FABP6: variants seen among roughly 807,000 people sequenced by gnomAD.
FABP6 encodes the protein fatty acid binding protein 6.
A neutral mutation model predicts 14.9 loss-of-function variants in FABP6; 13 were observed. The observed-to-expected ratio is 0.87, with a 90% CI of 0.57 to 1.39. FABP6 has a LOEUF of 1.39. Ranked by LOEUF, FABP6 falls within the 40% of genes most tolerant of loss-of-function variation. The pLI is 0.00. For missense variants in FABP6, 161 were observed against 167.2 expected, an observed-to-expected ratio of 0.96 and a Z score of 0.20; for synonymous variants, 75 against 63.6, an observed-to-expected ratio of 1.18 and a Z score of -0.85.
chr5:160,193,241 T>C (rs115482670), intron 1 of FABP6, among the ~76,000 whole-genome samples: 1 of 151,920 alleles, frequency 6.6e-6, no homozygotes, highest in Non-Finnish European at 1.5e-5. Context: ...ACTTTCGCGG[T>C]GAGTGTTGCG....
At chr5:160,228,283 C>G, upstream of FABP6, among the ~76,000 whole-genome samples, 1 of 151,916 alleles carries the variant, frequency 6.6e-6, no homozygotes, top group East Asian at 1.9e-4. Context: ...CCCAGCTACT[C>G]TGGAGGCTGA....
chr5:160,191,292 C>A (rs938361153), intron 1 of FABP6, among the ~76,000 whole-genome samples: 3 of 151,870 alleles, frequency 2.0e-5, no homozygotes, highest in African/African-American at 4.8e-5. Flanking sequence ...ATGGTGACAC[C>A]CCGTCTTTAC....
At chr5:160,220,486 G>A (rs2113119893) in intron 3 of FABP6, among the ~76,000 whole-genome samples, 1 of 152,150 alleles carries the variant, frequency 6.6e-6, no homozygotes, top group South Asian at 2.1e-4. Flanking sequence ...GAGCATGCCT[G>A]AGGTCCCTGC....
chr5:160,187,911 C>G (rs1759318314), intron 1 of FABP6, among the ~76,000 whole-genome samples: 1 of 151,964 alleles, frequency 6.6e-6, no homozygotes, highest in African/African-American at 2.4e-5. Flanking sequence ...CACCACCATG[C>G]CAGGTTAATT....
intron 2 of FABP6, among the ~76,000 whole-genome samples, chr5:160,202,549 C>A (rs1316290649): frequency 6.6e-6 from 1 of 152,092 alleles, no homozygotes; most frequent in Non-Finnish European, 1.5e-5. Context: ...GTAATCCCAG[C>A]ACTTTGGGAG....
chr5:160,223,380 T>TCC, intron 3 of FABP6, among the ~76,000 whole-genome samples: 1 of 46,820 alleles, frequency 2.1e-5, no homozygotes. Flanking sequence ...CCTCCCTCCC[T>TCC]CCCTCTCTCC....
chr5:160,199,730 AGCCC>A (rs1217859618), intron 2 of FABP6, among the ~76,000 whole-genome samples: 1 of 151,998 alleles, frequency 6.6e-6, no homozygotes, highest in Non-Finnish European at 1.5e-5. Flanking sequence ...TCTTGTGGTG[AGCCC>A]CAGTGTCCGG....
At chr5:160,194,739 A>G (rs1021704170) in intron 1 of FABP6, among the ~76,000 whole-genome samples, 1 of 151,676 alleles carries the variant, frequency 6.6e-6, no homozygotes, top group Non-Finnish European at 1.5e-5. Flanking sequence ...CTGACCCCTC[A>G]TGTCCCACCT....
chr5:160,236,707 C>T (rs1580927109), intron 3 of FABP6, among the ~76,000 whole-genome samples: 1 of 151,786 alleles, frequency 6.6e-6, no homozygotes, highest in African/African-American at 2.4e-5. Context: ...TGTGGTGGCT[C>T]AAGCTTCTAA....
intron 2 of FABP6, among the ~76,000 whole-genome samples, chr5:160,201,783 C>T (rs932576241): frequency 2.6e-5 from 4 of 151,784 alleles, no homozygotes; most frequent in Admixed American, 2.0e-4. Flanking sequence ...TTATTTTTTG[C>T]GACAGGGTCT....
upstream of FABP6, among the ~76,000 whole-genome samples, chr5:160,225,606 T>C (rs1760228301): frequency 6.6e-6 from 1 of 151,482 alleles, no homozygotes; most frequent in Admixed American, 6.6e-5. Context: ...TTTCACTGTT[T>C]AGCCAGGATG....
chr5:160,197,189 G>A (rs13171021), intron 1 of FABP6: 27,270 of 152,360 alleles, frequency 0.18, 2,925 homozygotes, highest in South Asian at 0.25. Context: ...TCCATAAGGT[G>A]GGAAGAGGGG....
At chr5:160,195,455 GTCTC>G (rs529090742) in intron 1 of FABP6, among the ~76,000 whole-genome samples, 2 of 151,700 alleles carry the variant, frequency 1.3e-5, no homozygotes, top group Non-Finnish European at 2.9e-5. Context: ...CTTTTTTTCT[GTCTC>G]TCTCTCTCTT....
chr5:160,209,974 T>C (rs1314830673), intron 2 of FABP6, among the ~76,000 whole-genome samples: 2 of 152,170 alleles, frequency 1.3e-5, no homozygotes, highest in Non-Finnish European at 2.9e-5. Context: ...AAAGGAGACA[T>C]ACAATCAACC....
chr5:160,219,547 G>T (rs1312205203), intron 3 of FABP6, among the ~76,000 whole-genome samples: 1 of 152,032 alleles, frequency 6.6e-6, no homozygotes, highest in Non-Finnish European at 1.5e-5. Flanking sequence ...GAAGGTGGAG[G>T]GTCAGATGTA....
intron 1 of FABP6, among the ~76,000 whole-genome samples, chr5:160,192,075 C>T (rs1759406085): frequency 6.6e-6 from 1 of 152,088 alleles, no homozygotes; most frequent in Admixed American, 6.6e-5. Flanking sequence ...GCCAGGGAGC[C>T]ATATCCCCTT....
intron 2 of FABP6, among the ~76,000 whole-genome samples, chr5:160,200,818 T>TGGCCA (rs994171709): frequency 1.3e-5 from 2 of 150,138 alleles, no homozygotes; most frequent in African/African-American, 4.9e-5. Context: ...CCTCCTGGCC[T>TGGCCA]GGCCACACCT....
At chr5:160,213,855 C>T (rs781076150) in intron 3 of FABP6, 1 of 1,556,916 alleles carries the variant, frequency 6.4e-7, no homozygotes, top group Non-Finnish European at 8.9e-7. Flanking sequence ...GGGTTCCTGA[C>T]GTTTTTCAGA....
chr5:160,194,547 A>G (rs1378621942), intron 1 of FABP6, among the ~76,000 whole-genome samples: 4 of 152,248 alleles, frequency 2.6e-5, no homozygotes, highest in Admixed American at 2.6e-4. Flanking sequence ...TCTCAAAAAA[A>G]TTAAATAAAT....
Sources: allele counts gnomAD v4.1 joint callset (sites outside exome capture counted in the v4.1 genomes callset), GRCh38; gene constraint gnomAD v4.1.1; transcripts MANE v1.5; gene names NCBI Gene and HGNC (gene_info 2026-07-23, HGNC 2026-07-21).